MITF: variants seen among roughly 807,000 people sequenced by gnomAD.
MITF encodes the protein melanocyte inducing transcription factor.
Under a neutral mutation model 60.5 loss-of-function variants are expected in MITF, and 17 were observed. The observed-to-expected ratio is 0.28, with a 90% CI of 0.19 to 0.42. The LOEUF (loss-of-function observed/expected upper bound fraction) is 0.42, where lower values mean the gene tolerates loss of function less well. MITF is among the 10% of genes least tolerant of loss of function. The pLI, the probability that MITF is intolerant of heterozygous loss-of-function variation, is 1.00. For synonymous variants in MITF, 260 were observed against 248.5 expected (o/e 1.05, Z -0.43); for missense variants, 622 against 683.5 (o/e 0.91, Z 1.00).
At position 69,817,686 on chromosome 3, in the gene MITF, A is replaced by G. The variant is rs114290290; in HGVS notation, c.105-61448A>G. Among the ~76,000 whole-genome samples, 1,029 of 152,316 alleles carry G rather than the reference A, an allele frequency of 6.8e-3. 9 individuals carry two copies. Among genetic ancestry groups the G allele is most frequent in the African/African-American group, 0.023 (964 of 41,588 alleles). ...AAAAAAAATGAATCAAATATTCCAG[A>G]TAACATTTTAGAATCTGAATGGTGC... is the stretch of plus-strand genomic sequence containing the variant. On this transcript the variant is annotated intron_variant, in intron 1 of 9. Transcript: ENST00000352241.
At chr3:69,948,869 G>A (rs1048839452) in intron 5 of MITF, among the ~76,000 whole-genome samples, 182 bp from the exon 6 acceptor site, 4 of 152,100 alleles carry the variant, frequency 2.6e-5, no homozygotes, top group Admixed American at 2.0e-4. Context: ...AGGAGATCCT[G>A]TACCTCTCTT....
chr3:69,872,219 T>G (rs2064254934), intron 1 of MITF, among the ~76,000 whole-genome samples: 1 of 152,190 alleles, frequency 6.6e-6, no homozygotes, highest in South Asian at 2.1e-4. Context: ...GGTCATAAAA[T>G]GAGGAAATGG....
intron 1 of MITF, among the ~76,000 whole-genome samples, chr3:69,764,998 A>G (rs1314743226): frequency 1.3e-5 from 2 of 152,004 alleles, no homozygotes; most frequent in African/African-American, 4.8e-5. Flanking sequence ...TTTTCCTGGG[A>G]GTTCTCTGGG....
chr3:69,803,300 C>A (rs537261998), intron 1 of MITF, among the ~76,000 whole-genome samples: 3 of 152,260 alleles, frequency 2.0e-5, no homozygotes, highest in South Asian at 2.1e-4. Flanking sequence ...TGGGTATATA[C>A]CCCCTAAGAA....
At chr3:69,751,747 C>T (rs1309579363) in intron 1 of MITF, among the ~76,000 whole-genome samples, 3 of 152,010 alleles carry the variant, frequency 2.0e-5, no homozygotes, top group Non-Finnish European at 4.4e-5. Context: ...TTCTTGTGGC[C>T]TCTGTTTCAA....
chr3:69,773,661 A>G (rs2062428872), intron 1 of MITF, among the ~76,000 whole-genome samples: 1 of 152,170 alleles, frequency 6.6e-6, no homozygotes, highest in Admixed American at 6.5e-5. Flanking sequence ...TTGAGTATGC[A>G]TAGCTGGACC....
At chr3:69,938,071 C>T (rs756780797) in intron 3 of MITF, 22 bp downstream of exon 3, 3 of 1,598,578 alleles carry the variant, frequency 1.9e-6, no homozygotes, top group Non-Finnish European at 8.6e-7. Flanking sequence ...CTCCTCTCCT[C>T]TCCTGTTTTC....
At chr3:69,882,391 A>G (rs1199674889) in intron 2 of MITF, among the ~76,000 whole-genome samples, 1 of 152,104 alleles carries the variant, frequency 6.6e-6, no homozygotes, top group Admixed American at 6.6e-5. Flanking sequence ...TCTTATTGCT[A>G]TATATTTACA....
At chr3:69,890,696 T>C (rs929045379) in intron 2 of MITF, among the ~76,000 whole-genome samples, 1 of 152,192 alleles carries the variant, frequency 6.6e-6, no homozygotes, top group Non-Finnish European at 1.5e-5. Flanking sequence ...GAAACAGTTC[T>C]TTAGTAATTC....
chr3:69,918,528 G>C (rs1474743302), intron 2 of MITF, among the ~76,000 whole-genome samples: 1 of 152,130 alleles, frequency 6.6e-6, no homozygotes, highest in Admixed American at 6.6e-5. Flanking sequence ...GCAGTGCATT[G>C]ATTACCTCTG....
intron 1 of MITF, among the ~76,000 whole-genome samples, chr3:69,807,328 T>C (rs2063026043): frequency 1.3e-5 from 2 of 152,238 alleles, no homozygotes; most frequent in Admixed American, 6.5e-5. Context: ...TCTTAACTTC[T>C]TTAATCTGAT....
intron 2 of MITF, among the ~76,000 whole-genome samples, chr3:69,917,108 A>T (rs2107411764): frequency 6.6e-6 from 1 of 152,314 alleles, no homozygotes; most frequent in East Asian, 1.9e-4. Context: ...AACAAGAAGG[A>T]CATCTGACCT....
chr3:69,798,675 G>A (rs1206409838), intron 1 of MITF, among the ~76,000 whole-genome samples: 1 of 152,148 alleles, frequency 6.6e-6, no homozygotes, highest in African/African-American at 2.4e-5. Flanking sequence ...GACCCAAATG[G>A]TCTGGCCTTT....
intron 9 of MITF, among the ~76,000 whole-genome samples, chr3:69,963,424 C>A (rs950886459): frequency 2.6e-5 from 4 of 152,046 alleles, no homozygotes; most frequent in African/African-American, 9.7e-5. Context: ...TTTTACCATC[C>A]CCCTAGACCA....
intron 2 of MITF, among the ~76,000 whole-genome samples, chr3:69,927,389 G>A (rs571150252): frequency 1.3e-5 from 2 of 152,220 alleles, no homozygotes; most frequent in South Asian, 4.1e-4. Flanking sequence ...GACAAGGGCA[G>A]GGAGAGCATT....
At chr3:69,823,405 C>T (rs1052151818) in intron 1 of MITF, among the ~76,000 whole-genome samples, 1 of 152,120 alleles carries the variant, frequency 6.6e-6, no homozygotes, top group Non-Finnish European at 1.5e-5. Context: ...ATAAGAAGGT[C>T]TCTTTCTGTC....
chr3:69,793,181 TTTTTTTGTA>T (rs1484816640), intron 1 of MITF, among the ~76,000 whole-genome samples: 1 of 127,848 alleles, frequency 7.8e-6, no homozygotes, highest in Non-Finnish European at 1.8e-5. Flanking sequence ...ACCTGGCTAA[TTTTTTTGTA>T]TTTTTTGTAG....
intron 1 of MITF, among the ~76,000 whole-genome samples, chr3:69,846,748 CAG>C (rs1478845558): frequency 7.0e-6 from 1 of 143,018 alleles, no homozygotes; most frequent in Non-Finnish European, 1.5e-5. Flanking sequence ...ACCCGGGAGG[CAG>C]AGTTTGCAGT....
intron 1 of MITF, among the ~76,000 whole-genome samples, chr3:69,812,547 G>A (rs2063117059): frequency 6.6e-6 from 1 of 152,108 alleles, no homozygotes; most frequent in African/African-American, 2.4e-5. Context: ...AATTTTCACA[G>A]CTTTATTATT....
Sources: allele counts gnomAD v4.1 joint callset (sites outside exome capture counted in the v4.1 genomes callset), GRCh38; gene constraint gnomAD v4.1.1; transcripts MANE v1.5; gene names NCBI Gene and HGNC (gene_info 2026-07-23, HGNC 2026-07-21).